The following NCOR2 variants were observed in gnomAD, a reference collection of about 807,000 sequenced individuals.
NCOR2 encodes CTG repeat protein 26.
NCOR2 carries 81 observed loss-of-function variants against 262.9 expected under a neutral mutation model. That is an observed-to-expected ratio of 0.31 (90% CI 0.26 to 0.37). The LOEUF (loss-of-function observed/expected upper bound fraction) is 0.37, where lower values mean the gene tolerates loss of function less well. Ranked by LOEUF, NCOR2 falls within the 10% of genes least tolerant of loss-of-function variation. The probability of loss-of-function intolerance (pLI) is 1.00; values close to 1 mark genes in which losing one functional copy is unlikely to be tolerated. For missense variants in NCOR2, 3,385 were observed against 3,621.4 expected (o/e 0.93, Z 1.68); for synonymous variants, 1,659 against 1,559.3 (o/e 1.06, Z -1.51).
At chr12:124,325,378 C>CCGGGG in exon 47 of NCOR2, 1 of 232,296 alleles carries the variant, frequency 4.3e-6, no homozygotes, top group African/African-American at 9.2e-5. Context: ...CCTGACACCG[C>CCGGGG]CCCCCCCCCC....
intron 16 of NCOR2, among the ~76,000 whole-genome samples, chr12:124,390,727 G>T (rs183821388): frequency 6.6e-6 from 1 of 152,340 alleles, no homozygotes; most frequent in African/African-American, 2.4e-5. Flanking sequence ...TGACATCCAG[G>T]CACACGCCCC....
intron 8 of NCOR2, among the ~76,000 whole-genome samples, chr12:124,436,941 C>T (rs1239238168): frequency 6.6e-6 from 1 of 152,004 alleles, no homozygotes; most frequent in Non-Finnish European, 1.5e-5. Context: ...CAAAAATTAG[C>T]CGGGCTTGGT....
intron 11 of NCOR2, among the ~76,000 whole-genome samples, chr12:124,423,330 C>T (rs993075948): frequency 6.6e-6 from 1 of 152,204 alleles, no homozygotes; most frequent in Non-Finnish European, 1.5e-5. Flanking sequence ...ACAGCCTTCG[C>T]AGGGAGAGCA....
intron 10 of NCOR2, among the ~76,000 whole-genome samples, chr12:124,427,315 C>T (rs1408610461): frequency 1.3e-5 from 2 of 152,170 alleles, no homozygotes; most frequent in African/African-American, 2.4e-5. Flanking sequence ...CCCGGCACCC[C>T]GCTCCTTCAG....
chr12:124,388,756 C>CGG, intron 16 of NCOR2: 1 of 1,304,096 alleles, frequency 7.7e-7, no homozygotes, highest in South Asian at 1.2e-5. Flanking sequence ...CCCCAGGGAG[C>CGG]GGGCCGAAGT....
In NCOR2 at chr12:124,342,998, C is replaced by A. The variant is rs61934024; in HGVS notation, c.4936+7G>T. The A allele has an allele frequency of 7.5e-3, 12,122 of 1,610,136 alleles. 69 individuals carry two copies. The highest frequency in any genetic ancestry group is 9.4e-3 in the Non-Finnish European group (11,140 of 1,179,738). ...CTGCAGGGTTCTGGGAGCCCCAGGG[C>A]AATCACCTGCGTCCAGAGGGATGCC... On this transcript the variant is annotated splice_region_variant and intron_variant, in intron 33 of 46. Transcript: ENST00000405201.
intron 27 of NCOR2, among the ~76,000 whole-genome samples, chr12:124,352,536 C>T (rs2037580186): frequency 6.6e-6 from 1 of 152,098 alleles, no homozygotes; most frequent in Admixed American, 6.6e-5. Flanking sequence ...CCATGCCCAG[C>T]CAATTTTTAA....
chr12:124,334,998 G>A, intron 40 of NCOR2, 137 bp downstream of exon 42: 4 of 1,338,612 alleles, frequency 3.0e-6, no homozygotes, highest in Non-Finnish European at 1.1e-6. Context: ...CCACGCCCTG[G>A]ATCCCCCCAG....
In NCOR2 at chr12:124,380,595, G is replaced by A. The variant is rs550230037; in HGVS notation, c.2020-2211C>T. Among the ~76,000 whole-genome samples, 29 of 152,308 alleles carry A rather than the reference G, an allele frequency of 1.9e-4. No individual in the cohort carries two copies. The South Asian group carries it at 2.3e-3, about 12-fold the overall frequency. On this transcript the variant is annotated intron_variant, in intron 17 of 46. Transcript: ENST00000405201. ...GCATGTGGGTTCTGCGGCTGCGGCCGAGGGCTCCCCCTGCTTCCCGAATCT... is the reference window on the plus strand; with the variant it reads ...GCATGTGGGTTCTGCGGCTGCGGCCAAGGGCTCCCCCTGCTTCCCGAATCT...
At chr12:124,348,699 G>C (rs774797287) in intron 28 of NCOR2, 44 of 242,830 alleles carry the variant, frequency 1.8e-4, no homozygotes, top group Non-Finnish European at 2.9e-4. Context: ...CGTGAGCAAG[G>C]ACGCATCAGC....
At chr12:124,373,242 G>A (rs976883454) in intron 19 of NCOR2, among the ~76,000 whole-genome samples, 1 of 145,626 alleles carries the variant, frequency 6.9e-6, no homozygotes, top group African/African-American at 2.8e-5. Context: ...TGAGGCCAGT[G>A]CGTGTGCAGG....
intron 5 of NCOR2, among the ~76,000 whole-genome samples, chr12:124,464,742 T>C (rs2046337736): frequency 6.6e-6 from 1 of 152,160 alleles, no homozygotes; most frequent in African/African-American, 2.4e-5. Flanking sequence ...GATGCCGTCG[T>C]TGTCATTGTT....
At position 124,566,009 on chromosome 12, in the gene NCOR2, C is replaced by T. The variant is rs1413657562; in HGVS notation, c.-165+1299G>A. Among the ~76,000 whole-genome samples the T allele has an allele frequency of 6.6e-6, 1 of 152,134 alleles. No individual in the cohort carries two copies. Among genetic ancestry groups the T allele is most frequent in the Non-Finnish European group, 1.5e-5 (1 of 68,036 alleles). On this transcript the variant is annotated intron_variant, in intron 1 of 32. Coordinates refer to the NCOR2 transcript ENST00000458234. The surrounding 1 kb of genome is among the most constrained non-coding windows in gnomAD (Gnocchi z 4.3). ...CGGAGAGCCCCTTATATCAAAGCTG[C>T]CGCAAGGACCCAGATCTGGCTGAAA...
chr12:124,338,433 A>C (rs1408273893), intron 37 of NCOR2, among the ~76,000 whole-genome samples: 3 of 149,468 alleles, frequency 2.0e-5, no homozygotes, highest in Non-Finnish European at 3.0e-5. Context: ...ACTTGAACCC[A>C]GGAGGTGGAG....
intron 17 of NCOR2, chr12:124,383,533 CA>C (rs72488781): frequency 0.17 from 76,585 of 455,646 alleles, 2,745 homozygotes; most frequent in East Asian, 0.51. Flanking sequence ...CCTTCCAACT[CA>C]AAAAAAAAAA....
intron 16 of NCOR2, among the ~76,000 whole-genome samples, chr12:124,394,941 G>C (rs2136168157): frequency 6.6e-6 from 1 of 152,288 alleles, no homozygotes; most frequent in South Asian, 2.1e-4. Flanking sequence ...AAACATCCAG[G>C]GGGTTGAGAC....
intron 3 of NCOR2, among the ~76,000 whole-genome samples, chr12:124,475,028 C>T (rs926533668): frequency 1.3e-5 from 2 of 152,166 alleles, no homozygotes; most frequent in Non-Finnish European, 2.9e-5. Flanking sequence ...TCCTCAGGGC[C>T]TCTGTCCTCC....
chr12:124,505,820 G>A (rs2049010052), intron 1 of NCOR2, among the ~76,000 whole-genome samples: 1 of 152,148 alleles, frequency 6.6e-6, no homozygotes, highest in African/African-American at 2.4e-5. Flanking sequence ...AGTCACTATG[G>A]CTATCTTCGC....
chr12:124,430,045 A>C (rs1303215129), intron 9 of NCOR2, among the ~76,000 whole-genome samples: 1 of 152,236 alleles, frequency 6.6e-6, no homozygotes, highest in Non-Finnish European at 1.5e-5. Context: ...CTCCCCTGTC[A>C]TATGAGGATT....
Sources: allele counts gnomAD v4.1 joint callset (sites outside exome capture counted in the v4.1 genomes callset), GRCh38; gene constraint gnomAD v4.1.1; non-coding constraint Gnocchi (gnomAD v3.1); transcripts MANE v1.5; gene names NCBI Gene and HGNC (gene_info 2026-07-23, HGNC 2026-07-21).